The following CFAP221 variants were observed in gnomAD, a reference collection of about 807,000 sequenced individuals.
The protein encoded by CFAP221 is cilia and flagella associated protein 221.
Under a neutral mutation model 113.1 loss-of-function variants are expected in CFAP221, and 97 were observed. That is an observed-to-expected ratio of 0.86 (90% CI 0.73 to 1.02). The LOEUF (loss-of-function observed/expected upper bound fraction) is 1.02. Ranked by LOEUF, CFAP221 falls within the 50% of genes least tolerant of loss-of-function variation. CFAP221 has a pLI of 0.00. For synonymous variants in CFAP221, 331 were observed against 354.4 expected, an observed-to-expected ratio of 0.93 and a Z score of 0.74; for missense variants, 1,025 against 1,013.4, an observed-to-expected ratio of 1.01 and a Z score of -0.16.
At chr2:119,572,006 GGGGAGAACCTCTCTTA>G (rs1682094481) in intron 6 of CFAP221, among the ~76,000 whole-genome samples, 1 of 152,220 alleles carries the variant, frequency 6.6e-6, no homozygotes, top group African/African-American at 2.4e-5. Context: ...TTTGCAGTCT[GGGGAGAACCTCTCTTA>G]GGGTAGGATG....
chr2:119,596,671 A>G (rs947351888), intron 7 of CFAP221, among the ~76,000 whole-genome samples: 1 of 152,254 alleles, frequency 6.6e-6, no homozygotes, highest in Non-Finnish European at 1.5e-5. Context: ...GGGAGGGAGA[A>G]AGGAATAAAA....
rs1383744836 is a variant in CFAP221, at chr2:119,605,459, A to G, written c.1133+170A>G. 2.0e-5 allele frequency among the ~76,000 whole-genome samples: 3 copies of G among 152,234 alleles called. No individual in the cohort carries two copies. The East Asian group carries it at 5.8e-4, about 29-fold the overall frequency. ...AGTAGGAAGTTTCTATTAGGAATAA[A>G]TATATGTGACCAAACCACACTGTTT... On this transcript the variant is annotated intron_variant, in intron 11 of 23. Coordinates refer to ENST00000413369, the MANE Select transcript of CFAP221 (RefSeq NM_001271049.2).
At chr2:119,546,352 T>C in intron 2 of CFAP221, 82 bp downstream of exon 2, 1 of 1,384,254 alleles carries the variant, frequency 7.2e-7, no homozygotes, top group South Asian at 1.4e-5. Context: ...ATGGGACTTT[T>C]AGTGCTGATT....
chr2:119,638,950 G>T (rs1013633621), intron 20 of CFAP221, among the ~76,000 whole-genome samples: 6 of 152,028 alleles, frequency 3.9e-5, no homozygotes, highest in African/African-American at 1.5e-4. Flanking sequence ...ACTTCTACCA[G>T]CCACACCCTC....
intron 19 of CFAP221, among the ~76,000 whole-genome samples, chr2:119,634,798 G>A (rs984064602): frequency 7.2e-5 from 11 of 152,292 alleles, no homozygotes; most frequent in African/African-American, 2.4e-4. Context: ...AGTGAATGAT[G>A]GTTATCAGAG....
intron 8 of CFAP221, among the ~76,000 whole-genome samples, chr2:119,602,374 C>G (rs922116173): frequency 5.3e-5 from 8 of 151,976 alleles, no homozygotes. Context: ...GACATCATCT[C>G]AAACAAACAA....
At chr2:119,574,238 G>GT (rs2104578178) in intron 6 of CFAP221, among the ~76,000 whole-genome samples, 1 of 152,028 alleles carries the variant, frequency 6.6e-6, no homozygotes, top group African/African-American at 2.4e-5. Context: ...GCAGATGATT[G>GT]TATGTACCAG....
intron 7 of CFAP221, among the ~76,000 whole-genome samples, chr2:119,598,424 G>A (rs776687526): frequency 1.0e-3 from 157 of 152,070 alleles, no homozygotes; most frequent in Non-Finnish European, 1.4e-3. Context: ...CCATCGTATT[G>A]ATAAACTAGG....
rs1295039983 is a variant in CFAP221, at chr2:119,562,543, G to A, written c.527+429G>A. 2.6e-5 allele frequency among the ~76,000 whole-genome samples: 4 copies of A among 152,110 alleles called. No individual in the cohort carries two copies. The South Asian group carries it at 8.3e-4, about 32-fold the overall frequency. On this transcript the variant is annotated intron_variant, in intron 6 of 23. Transcript: ENST00000413369. Reference sequence around the variant, plus strand: ...ATTGGAGAGGGTGGAGGGGTTGGGGGCATTCAAGCAAAACCCCAGGACTGA... The same window carrying A: ...ATTGGAGAGGGTGGAGGGGTTGGGGACATTCAAGCAAAACCCCAGGACTGA...
intron 19 of CFAP221, among the ~76,000 whole-genome samples, chr2:119,633,747 A>G (rs991416480): frequency 7.2e-5 from 11 of 152,026 alleles, no homozygotes; most frequent in Non-Finnish European, 1.6e-4. Context: ...CAATCCTCAG[A>G]AAAAAAATGA....
At chr2:119,653,918 A>G (rs1236793634) in intron 23 of CFAP221, among the ~76,000 whole-genome samples, 1 of 152,174 alleles carries the variant, frequency 6.6e-6, no homozygotes, top group African/African-American at 2.4e-5. Context: ...ATGCTTTTCA[A>G]CCATTTCTCT....
intron 15 of CFAP221, among the ~76,000 whole-genome samples, chr2:119,627,187 C>T (rs975369970): frequency 1.3e-5 from 2 of 152,014 alleles, no homozygotes; most frequent in East Asian, 1.9e-4. Flanking sequence ...ACCACACTCC[C>T]GTCTGCCACT....
chr2:119,547,300 C>T (rs1680116865), intron 2 of CFAP221, among the ~76,000 whole-genome samples: 1 of 152,172 alleles, frequency 6.6e-6, no homozygotes, highest in Non-Finnish European at 1.5e-5. Context: ...TGGCTCACTC[C>T]TATAATCCCA....
Position 119,625,583 on chromosome 2 carries a change from G to T in CFAP221, c.1411G>T (p.Val471Phe). 1 of 1,607,814 alleles carries T rather than the reference G, an allele frequency of 6.2e-7. No individual in the cohort carries two copies. Among genetic ancestry groups the T allele is most frequent in the Admixed American group, 1.7e-5 (1 of 59,954 alleles). ...AAATCATTATCCACTCCAATTTCAGGTCATGATTCAGGGACGATTATTCAA... is the reference window on the plus strand; with the variant it reads ...AAATCATTATCCACTCCAATTTCAGTTCATGATTCAGGGACGATTATTCAA... ...QKRFQQVARK[V>F]MIQGRLFNML... Residue 471 changes from valine to phenylalanine, a missense_variant and splice_region_variant, in exon 15 of 24, where the codon GTC becomes TTC. Coordinates refer to ENST00000413369, the MANE Select transcript of CFAP221 (RefSeq NM_001271049.2).
chr2:119,579,056 G>A (rs577582854), intron 6 of CFAP221, among the ~76,000 whole-genome samples: 5 of 152,202 alleles, frequency 3.3e-5, no homozygotes, highest in African/African-American at 1.2e-4. Flanking sequence ...TAAAAGGTTT[G>A]AGTTCAATTT....
chr2:119,615,790 C>T (rs139325746), intron 14 of CFAP221, 81 bp downstream of exon 14: 2 of 1,016,862 alleles, frequency 2.0e-6, no homozygotes, highest in East Asian at 2.6e-5. Context: ...TTTGATAACA[C>T]CTTTATTGAG....
intron 6 of CFAP221, among the ~76,000 whole-genome samples, chr2:119,562,956 G>A (rs1681362278): frequency 6.6e-6 from 1 of 152,086 alleles, no homozygotes; most frequent in South Asian, 2.1e-4. Flanking sequence ...TTTGAGACCA[G>A]CCTGAACAAC....
At chr2:119,602,118 G>A (rs902231515) in intron 8 of CFAP221, among the ~76,000 whole-genome samples, 1 of 152,028 alleles carries the variant, frequency 6.6e-6, no homozygotes, top group Non-Finnish European at 1.5e-5. Context: ...GGTGACTCGC[G>A]CCTATAATCC....
At chr2:119,555,339 T>C (rs918822624) in intron 3 of CFAP221, among the ~76,000 whole-genome samples, 2 of 152,152 alleles carry the variant, frequency 1.3e-5, no homozygotes, top group Non-Finnish European at 2.9e-5. Flanking sequence ...GGAGTTCTAC[T>C]GACCAAAAAT....
Sources: allele counts gnomAD v4.1 joint callset (sites outside exome capture counted in the v4.1 genomes callset), GRCh38; gene constraint gnomAD v4.1.1; transcripts MANE v1.5; gene names NCBI Gene and HGNC (gene_info 2026-07-23, HGNC 2026-07-21).